Variants in PPP2R5E observed in about 807,000 individuals in gnomAD.
PPP2R5E encodes the protein serine/threonine-protein phosphatase 2A 56 kDa regulatory subunit epsilon isoform.
Under a neutral mutation model 65.3 loss-of-function variants are expected in PPP2R5E, and 4 were observed. The ratio of observed to expected loss-of-function variants is 0.06; its 90% CI spans 0.03 to 0.14. The LOEUF (loss-of-function observed/expected upper bound fraction) is 0.14, where lower values mean the gene tolerates loss of function less well. Among genes scored for constraint, PPP2R5E ranks in the 10% least tolerant of loss-of-function variants. The pLI is 1.00. For missense variants in PPP2R5E, 274 were observed against 556.1 expected, an observed-to-expected ratio of 0.49 and a Z score of 5.10; for synonymous variants, 183 against 187.4, an observed-to-expected ratio of 0.98 and a Z score of 0.19.
intron 2 of PPP2R5E, among the ~76,000 whole-genome samples, chr14:63,517,060 T>A (rs768009594): frequency 6.6e-6 from 1 of 152,146 alleles, no homozygotes; most frequent in Non-Finnish European, 1.5e-5. Flanking sequence ...GTCTTATGAC[T>A]CAAAAAATAT....
intron 3 of PPP2R5E, among the ~76,000 whole-genome samples, chr14:63,430,401 G>GCATGCATA (rs1268327006): frequency 7.0e-6 from 1 of 143,836 alleles, no homozygotes; most frequent in African/African-American, 2.8e-5. Context: ...ATACATACAT[G>GCATGCATA]CATACATACA....
intron 3 of PPP2R5E, among the ~76,000 whole-genome samples, chr14:63,438,789 A>C (rs1281415226): frequency 6.6e-6 from 1 of 152,212 alleles, no homozygotes; most frequent in Non-Finnish European, 1.5e-5. Context: ...ATTTAAATTA[A>C]AACTAAACAC....
intron 2 of PPP2R5E, among the ~76,000 whole-genome samples, chr14:63,489,544 G>C (rs919601871): frequency 2.0e-5 from 3 of 151,580 alleles, no homozygotes; most frequent in Middle Eastern, 6.3e-3. Context: ...CAAGTAGCTG[G>C]GACTACCGGT....
rs778851715 is a variant in PPP2R5E, at chr14:63,391,801, G to A, written c.954+16C>T. The A allele has an allele frequency of 6.2e-7, 1 of 1,609,986 alleles. No individual in the cohort carries two copies. The highest frequency in any genetic ancestry group is 8.5e-7 in the Non-Finnish European group (1 of 1,176,312). ...ATTCAGTAAGCTATGAACACTCTCT[G>A]ACAGTAAGCACTTACCTCTTTTTGA... On this transcript the variant is annotated intron_variant, in intron 10 of 13. Transcript: ENST00000337537.
chr14:63,539,761 T>C, intron 1 of PPP2R5E, 69 bp from the exon 2 acceptor site: 1 of 1,426,316 alleles, frequency 7.0e-7, no homozygotes, highest in Admixed American at 2.1e-5. Flanking sequence ...GTTATACAAA[T>C]TCTAAAATTC....
chr14:63,518,227 C>T (rs1892742413), intron 2 of PPP2R5E, among the ~76,000 whole-genome samples: 1 of 152,010 alleles, frequency 6.6e-6, no homozygotes, highest in Non-Finnish European at 1.5e-5. Context: ...AAGCATAAGC[C>T]AACATTCCTG....
chr14:63,531,904 G>A (rs1893454200), intron 2 of PPP2R5E, among the ~76,000 whole-genome samples: 1 of 151,842 alleles, frequency 6.6e-6, no homozygotes, highest in South Asian at 2.1e-4. Flanking sequence ...ACTGAGCCGA[G>A]ATGGGGCCAC....
intron 2 of PPP2R5E, among the ~76,000 whole-genome samples, chr14:63,526,143 A>G (rs972297558): frequency 1.3e-5 from 2 of 152,140 alleles, no homozygotes; most frequent in African/African-American, 2.4e-5. Context: ...TACAGGAGTG[A>G]GCCACCATGC....
chr14:63,467,230 ACAAACAAACAAAC>A lies in PPP2R5E; in HGVS notation c.158-13358_158-13346del, dbSNP rs375491546. Among the ~76,000 whole-genome samples, 1,027 of 138,796 alleles carry A rather than the reference ACAAACAAACAAAC, an allele frequency of 7.4e-3. 137 individuals are homozygous for A. The highest frequency in any genetic ancestry group is 0.029 in the African/African-American group (943 of 32,468). 91.1% of individuals were successfully genotyped at this position (138,796 alleles called of 152,430 possible). A position where few individuals can be genotyped will look rare whatever the true frequency, so the allele number is the denominator to read the frequency against. On this transcript the variant is annotated intron_variant, in intron 2 of 13. Transcript: ENST00000337537. ...AGAGCAAGACTCCGTCTCAAAAAAA[ACAAACAAACAAAC>A]AAAAAAAACACTATTTACAACATGT...
chr14:63,459,881 A>G (rs1889358604), intron 2 of PPP2R5E, among the ~76,000 whole-genome samples: 1 of 152,192 alleles, frequency 6.6e-6, no homozygotes, highest in African/African-American at 2.4e-5. Flanking sequence ...AAGCTAAGGA[A>G]GGTCCCTGGA....
intron 4 of PPP2R5E, among the ~76,000 whole-genome samples, chr14:63,420,633 T>C (rs2139880681): frequency 6.6e-6 from 1 of 152,170 alleles, no homozygotes; most frequent in South Asian, 2.1e-4. Flanking sequence ...TGCAGAAACT[T>C]TGAGTTGTCA....
chr14:63,480,196 G>A (rs1890623902), intron 2 of PPP2R5E, among the ~76,000 whole-genome samples: 2 of 152,030 alleles, frequency 1.3e-5, no homozygotes, highest in Admixed American at 6.5e-5. Context: ...GGTGGCTCAT[G>A]CCTGTAATCC....
chr14:63,406,817 A>G (rs1387993187), intron 5 of PPP2R5E, among the ~76,000 whole-genome samples: 1 of 152,360 alleles, frequency 6.6e-6, no homozygotes, highest in South Asian at 2.1e-4. Context: ...TCTTAAGAGA[A>G]CCCAACAGCC....
At chr14:63,453,483 T>C (rs1383446120) in intron 3 of PPP2R5E, 3 of 402,746 alleles carry the variant, frequency 7.4e-6, no homozygotes, top group Non-Finnish European at 1.3e-5. Context: ...GCTTCAGCAC[T>C]GTCGTAGTTA....
In PPP2R5E at chr14:63,372,815, G is replaced by A. The variant is rs1463351745; in HGVS notation, c.*3194C>T. The A allele has an allele frequency of 6.6e-6, 1 of 152,168 alleles. No individual in the cohort carries two copies. Among genetic ancestry groups the A allele is most frequent in the Non-Finnish European group, 1.5e-5 (1 of 68,040 alleles). The allele number at this position is 152,168 out of a possible 1,614,324, so 9.4% of individuals were successfully genotyped here. A position where few individuals can be genotyped will look rare whatever the true frequency, so the allele number is the denominator to read the frequency against. Reference sequence around the variant, plus strand: ...GCACCCTGGACTATCCCACGCATAGGAGGTACAAAATAAATTAAACCCTTT... The same window carrying A: ...GCACCCTGGACTATCCCACGCATAGAAGGTACAAAATAAATTAAACCCTTT... On this transcript the variant is annotated 3_prime_UTR_variant, in exon 14 of 14. Coordinates refer to ENST00000337537, the MANE Select transcript of PPP2R5E (RefSeq NM_006246.5).
chr14:63,531,611 A>G (rs192801157), intron 2 of PPP2R5E, among the ~76,000 whole-genome samples: 1 of 152,296 alleles, frequency 6.6e-6, no homozygotes, highest in African/African-American at 2.4e-5. Flanking sequence ...CTATTAACAT[A>G]TAGATGTTCT....
intron 3 of PPP2R5E, among the ~76,000 whole-genome samples, chr14:63,435,974 G>A (rs1016247930): frequency 2.6e-5 from 4 of 152,182 alleles, no homozygotes; most frequent in African/African-American, 9.7e-5. Flanking sequence ...AAATAGACGT[G>A]TAAACATTGC....
intron 2 of PPP2R5E, among the ~76,000 whole-genome samples, chr14:63,530,548 G>C (rs1489679387): frequency 6.7e-6 from 1 of 148,184 alleles, no homozygotes; most frequent in Non-Finnish European, 1.5e-5. Context: ...TAAGCAATTA[G>C]TTCTTAATGG....
In PPP2R5E at chr14:63,462,971, G is replaced by A. The variant is rs1326983185; in HGVS notation, c.158-9086C>T. ...TACAAAATTAGCCAGGTGTGGTGGC[G>A]CATGCCTGTAATCCCAGCTACCCGG... On this transcript the variant is annotated intron_variant, in intron 2 of 13. Coordinates refer to ENST00000337537, the MANE Select transcript of PPP2R5E (RefSeq NM_006246.5). Among the ~76,000 whole-genome samples the A allele has an allele frequency of 6.0e-5, 9 of 150,986 alleles. No individual in the cohort carries two copies. The East Asian group carries it at 1.0e-3, about 17-fold the overall frequency.
Sources: gnomAD v4.1 joint callset for allele counts (sites outside exome capture counted in the v4.1 genomes callset) on GRCh38, gnomAD v4.1.1 for gene constraint, MANE v1.5 for transcripts, NCBI Gene and HGNC (gene_info 2026-07-23, HGNC 2026-07-21) for gene names.